Variants in PCDH9 observed in about 807,000 individuals in gnomAD.
The protein encoded by PCDH9 is protocadherin-9.
Under a neutral mutation model 70.6 loss-of-function variants are expected in PCDH9, and 24 were observed. The observed-to-expected ratio is 0.34, with a 90% CI of 0.25 to 0.48. The LOEUF is 0.48. Ranked by LOEUF, PCDH9 falls within the 20% of genes least tolerant of loss-of-function variation. The probability of loss-of-function intolerance (pLI) is 0.99; values close to 1 mark genes in which losing one functional copy is unlikely to be tolerated. For synonymous variants in PCDH9, 562 were observed against 558.5 expected, an observed-to-expected ratio of 1.01 and a Z score of -0.09; for missense variants, 1,281 against 1,503.6, an observed-to-expected ratio of 0.85 and a Z score of 2.45.
rs550177120 is a variant in PCDH9 at position 66,894,184 on chromosome 13, A to G, written c.3138+9320T>C. Among the ~76,000 whole-genome samples, 10 of 152,294 alleles carry G rather than the reference A, an allele frequency of 6.6e-5. No individual in the cohort carries two copies. In the East Asian group the frequency reaches 1.9e-3, roughly 29 times the overall value. On this transcript the variant is annotated intron_variant, in intron 3 of 4. Transcript: ENST00000377865. Reference sequence around the variant, plus strand: ...AAAATTGAAGAAATAAATGACATTTAAAGAGAAGCTCGTTGCTTACTTCAT... The same window carrying G: ...AAAATTGAAGAAATAAATGACATTTGAAGAGAAGCTCGTTGCTTACTTCAT...
intron 3 of PCDH9, among the ~76,000 whole-genome samples, chr13:66,852,271 TAACA>T (rs1163055865): frequency 6.6e-6 from 1 of 152,106 alleles, no homozygotes; most frequent in East Asian, 1.9e-4. Context: ...GCCCACTCAC[TAACA>T]GAGGGACATC....
intron 3 of PCDH9, among the ~76,000 whole-genome samples, chr13:66,643,282 A>T (rs2077731714): frequency 6.6e-6 from 1 of 152,076 alleles, no homozygotes; most frequent in South Asian, 2.1e-4. Flanking sequence ...CCTTATAATG[A>T]TCTTAAGGAA....
In PCDH9 at chr13:66,516,716, A is replaced by ATC. The variant is rs143905336; in HGVS notation, c.3340+114492_3340+114493dup. On this transcript the variant is annotated intron_variant, in intron 4 of 4. Coordinates refer to ENST00000377865, the MANE Select transcript of PCDH9 (RefSeq NM_203487.3). ...CCCTCCAAAAAGAAAACCATCCGAA[A>ATC]TCTCTCTCTCTCTCTCCCTCACTCT... 6.7e-4 allele frequency among the ~76,000 whole-genome samples: 100 copies of ATC among 150,142 alleles called. 3 individuals are homozygous for ATC. Among genetic ancestry groups the ATC allele is most frequent in the South Asian group, 8.5e-4 (4 of 4,718 alleles).
intron 3 of PCDH9, among the ~76,000 whole-genome samples, chr13:66,881,315 A>G (rs528777200): frequency 1.5e-4 from 23 of 152,306 alleles, no homozygotes; most frequent in African/African-American, 5.5e-4. Context: ...GTGGCTGGGG[A>G]GGTCTCACAA....
At chr13:67,146,099 A>C (rs1450047402) in intron 2 of PCDH9, among the ~76,000 whole-genome samples, 1 of 152,176 alleles carries the variant, frequency 6.6e-6, no homozygotes, top group Non-Finnish European at 1.5e-5. Flanking sequence ...TAATTGAGGA[A>C]ATAGTCCACG....
intron 3 of PCDH9, among the ~76,000 whole-genome samples, chr13:66,848,413 T>C (rs1015409820): frequency 6.6e-6 from 1 of 152,222 alleles, no homozygotes; most frequent in African/African-American, 2.4e-5. Context: ...TTTTAATTGT[T>C]TGTTAGAACT....
At chr13:66,952,290 C>T (rs1174684442) in intron 2 of PCDH9, among the ~76,000 whole-genome samples, 2 of 152,148 alleles carry the variant, frequency 1.3e-5, no homozygotes, top group Non-Finnish European at 2.9e-5. Flanking sequence ...CAACCTCCTG[C>T]ATCTACAGCC....
chr13:66,872,754 A>C (rs886451947), intron 3 of PCDH9, among the ~76,000 whole-genome samples: 1 of 152,154 alleles, frequency 6.6e-6, no homozygotes, highest in Non-Finnish European at 1.5e-5. Context: ...CTTTGAAATT[A>C]AATAGATGTG....
At chr13:67,029,422 C>G (rs1234047434) in intron 2 of PCDH9, among the ~76,000 whole-genome samples, 1 of 152,136 alleles carries the variant, frequency 6.6e-6, no homozygotes, top group Non-Finnish European at 1.5e-5. Flanking sequence ...AGGCTCTGTC[C>G]TCAATCCTAA....
intron 2 of PCDH9, among the ~76,000 whole-genome samples, chr13:67,029,029 T>G (rs2084850994): frequency 6.6e-6 from 1 of 152,126 alleles, no homozygotes; most frequent in Admixed American, 6.6e-5. Flanking sequence ...TTTCCCTAAC[T>G]TTATTTAATC....
At chr13:66,353,527 T>C (rs1344875348) in intron 4 of PCDH9, among the ~76,000 whole-genome samples, 1 of 152,166 alleles carries the variant, frequency 6.6e-6, no homozygotes, top group African/African-American at 2.4e-5. Context: ...GATTATTGCT[T>C]GAAAGTGCTC....
chr13:67,141,029 G>A (rs1394489028), intron 2 of PCDH9, among the ~76,000 whole-genome samples: 1 of 151,530 alleles, frequency 6.6e-6, no homozygotes, highest in Non-Finnish European at 1.5e-5. Flanking sequence ...GCACAACTTG[G>A]GCCATCAAAA....
chr13:66,695,200 G>T (rs1224994824), intron 3 of PCDH9, among the ~76,000 whole-genome samples: 2 of 152,152 alleles, frequency 1.3e-5, no homozygotes, highest in Non-Finnish European at 2.9e-5. Flanking sequence ...ACCGCGCCCG[G>T]TATATACATG....
At chr13:66,443,920 A>T (rs1290691531) in intron 4 of PCDH9, among the ~76,000 whole-genome samples, 2 of 152,128 alleles carry the variant, frequency 1.3e-5, no homozygotes, top group East Asian at 3.8e-4. Context: ...TGTTTAACAA[A>T]TTTCAAATTT....
At chr13:66,467,570 G>A (rs1368117902) in intron 4 of PCDH9, among the ~76,000 whole-genome samples, 1 of 151,990 alleles carries the variant, frequency 6.6e-6, no homozygotes, top group Non-Finnish European at 1.5e-5. Context: ...TTCTAAGACT[G>A]AATTGTTGAT....
intron 2 of PCDH9, among the ~76,000 whole-genome samples, chr13:66,904,344 T>C (rs1271187855): frequency 3.9e-5 from 6 of 152,010 alleles, no homozygotes; most frequent in African/African-American, 1.4e-4. Context: ...CACAACTTTT[T>C]CATGTGAAAA....
At chr13:66,650,650 C>A (rs572105862) in intron 3 of PCDH9, among the ~76,000 whole-genome samples, 3 of 151,648 alleles carry the variant, frequency 2.0e-5, no homozygotes, top group Admixed American at 6.6e-5. Flanking sequence ...CCCTATAGAC[C>A]AATTGAACTT....
intron 4 of PCDH9, among the ~76,000 whole-genome samples, chr13:66,322,251 CATT>C (rs1955769055): frequency 1.3e-5 from 2 of 151,904 alleles, no homozygotes; most frequent in African/African-American, 4.8e-5. Flanking sequence ...AAAGCCAAGC[CATT>C]CCATTCCCTC....
At position 66,341,847 on chromosome 13, in the gene PCDH9, C is replaced by T. The variant is rs117072505; in HGVS notation, c.3341-36819G>A. The stretch of plus-strand genomic sequence containing the variant: ...AGACTGGAGGAGAGCTTGTGTCTCA[C>T]TGCGCTCAAGGGAGATGTAAATATG... On this transcript the variant is annotated intron_variant, in intron 4 of 4. Coordinates refer to ENST00000377865, the MANE Select transcript of PCDH9 (RefSeq NM_203487.3). 5.0e-3 allele frequency among the ~76,000 whole-genome samples: 756 copies of T among 152,248 alleles called. 21 individuals are homozygous for T. The East Asian group carries it at 0.074, about 15-fold the overall frequency.
Sources: allele counts gnomAD v4.1 joint callset (sites outside exome capture counted in the v4.1 genomes callset), GRCh38; gene constraint gnomAD v4.1.1; transcripts MANE v1.5; gene names NCBI Gene and HGNC (gene_info 2026-07-23, HGNC 2026-07-21).